Variants in PLXNA2 observed in about 807,000 individuals in gnomAD.
PLXNA2 encodes plexin-A2.
A neutral mutation model predicts 193.5 loss-of-function variants in PLXNA2; 91 were observed. That is an observed-to-expected ratio of 0.47 (90% CI 0.40 to 0.56). The LOEUF (loss-of-function observed/expected upper bound fraction) is 0.56, where lower values mean the gene tolerates loss of function less well. Among genes scored for constraint, PLXNA2 ranks in the 20% least tolerant of loss-of-function variants. The probability of loss-of-function intolerance (pLI) is 0.00; values close to 1 mark genes in which losing one functional copy is unlikely to be tolerated. For synonymous variants in PLXNA2, 997 were observed against 1,027.3 expected, an observed-to-expected ratio of 0.97 and a Z score of 0.56; for missense variants, 1,995 against 2,503.2, an observed-to-expected ratio of 0.80 and a Z score of 4.33.
chr1:208,145,354 T>C (rs1479287526), intron 3 of PLXNA2, among the ~76,000 whole-genome samples: 1 of 152,192 alleles, frequency 6.6e-6, no homozygotes, highest in Non-Finnish European at 1.5e-5. Context: ...CAGGGCTGGG[T>C]CCCAGGAGCT....
intron 3 of PLXNA2, among the ~76,000 whole-genome samples, chr1:208,172,277 A>ACC (rs1216053726): frequency 6.6e-6 from 1 of 152,000 alleles, no homozygotes; most frequent in Non-Finnish European, 1.5e-5. Context: ...TGGAGGAAGT[A>ACC]CTGTGGAATT....
rs1427386749 is a variant in PLXNA2, at chr1:208,025,687, G to C, written c.*1556C>G. The C allele has an allele frequency of 6.6e-6, 1 of 152,218 alleles. No individual in the cohort carries two copies. The highest frequency in any genetic ancestry group is 1.5e-5 in the Non-Finnish European group (1 of 68,084). 9.4% of individuals were successfully genotyped at this position (152,218 alleles called of 1,614,324 possible). A position where few individuals can be genotyped will look rare whatever the true frequency, so the allele number is the denominator to read the frequency against. On this transcript the variant is annotated 3_prime_UTR_variant, in exon 32 of 32. Transcript: ENST00000367033. ...ACACTCACAGAGCGCCTTTCCTCTC[G>C]ATGACTCCCACTGGCTTCTATGGGG... is the stretch of plus-strand genomic sequence containing the variant.
At chr1:208,206,273 A>G (rs1448812090) in intron 3 of PLXNA2, among the ~76,000 whole-genome samples, 8 of 152,204 alleles carry the variant, frequency 5.3e-5, no homozygotes, top group Middle Eastern at 3.2e-3. Flanking sequence ...TCCAAGGTAA[A>G]GTGGAGTCAC....
intron 4 of PLXNA2, among the ~76,000 whole-genome samples, chr1:208,117,736 ACTC>A (rs10558636): frequency 0.056 from 8,443 of 152,052 alleles, 273 homozygotes; most frequent in Non-Finnish European, 0.073. Context: ...GTGAGAAAGA[ACTC>A]CTCTGACCCC....
chr1:208,099,327 G>C (rs954702351), intron 5 of PLXNA2, among the ~76,000 whole-genome samples: 16 of 152,358 alleles, frequency 1.1e-4, no homozygotes, highest in African/African-American at 3.8e-4. Flanking sequence ...TCACTCCACA[G>C]TGCGGGAGCG....
intron 10 of PLXNA2, among the ~76,000 whole-genome samples, chr1:208,083,660 A>G (rs1395268289): frequency 6.6e-5 from 10 of 151,462 alleles, no homozygotes; most frequent in Admixed American, 2.6e-4. Context: ...CCCCTCCCTC[A>G]TCTCCAGCTG....
Position 208,216,715 on chromosome 1 carries a change from C to A in PLXNA2, c.1188+20G>T. ...CCTGTGTCATGGAGCAGGAGCAGAG[C>A]GAGGTGTGTGCCTCCTTACCGCCTT... On this transcript the variant is annotated intron_variant, in intron 2 of 31. Coordinates refer to ENST00000367033, the MANE Select transcript of PLXNA2 (RefSeq NM_025179.4). 6.3e-7 allele frequency: 1 copy of A among 1,598,656 alleles called. No homozygotes were observed. The highest frequency in any genetic ancestry group is 1.7e-5 in the Admixed American group (1 of 59,474).
At chr1:208,074,072 CCT>C (rs1274081234) in intron 12 of PLXNA2, among the ~76,000 whole-genome samples, 10 of 152,318 alleles carry the variant, frequency 6.6e-5, no homozygotes, top group African/African-American at 2.2e-4. Flanking sequence ...GTGAAGAAGA[CCT>C]CTGTTATGTG....
At chr1:208,034,623 A>G (rs377232755) in intron 26 of PLXNA2, 31 bp from the exon 27 acceptor site, 8 of 1,321,228 alleles carry the variant, frequency 6.1e-6, no homozygotes, top group Non-Finnish European at 8.8e-6. Flanking sequence ...ACAGTACAAA[A>G]GGTGAATGTA....
rs138853454 is a variant in PLXNA2 at position 208,149,749 on chromosome 1, T to C, written c.1372-7286A>G. Among the ~76,000 whole-genome samples the C allele has an allele frequency of 3.3e-3, 503 of 152,282 alleles. 3 individuals are homozygous for C. The highest frequency in any genetic ancestry group is 0.011 in the African/African-American group (466 of 41,522). ...TGAAGATTATTTTTGTAGAGCTTCA[T>C]GACCCGAATTATTTATAGATTTAAG... On this transcript the variant is annotated intron_variant, in intron 3 of 31. Coordinates refer to ENST00000367033, the MANE Select transcript of PLXNA2 (RefSeq NM_025179.4).
chr1:208,211,405 A>C (rs1670937437), intron 2 of PLXNA2, among the ~76,000 whole-genome samples: 2 of 152,290 alleles, frequency 1.3e-5, no homozygotes, highest in African/African-American at 4.8e-5. Flanking sequence ...AGTGAAAAAA[A>C]AATTGTGGCC....
At chr1:208,113,546 C>CTCT (rs776758459) in intron 4 of PLXNA2, among the ~76,000 whole-genome samples, 21 of 105,700 alleles carry the variant, frequency 2.0e-4, no homozygotes, top group African/African-American at 6.6e-4. Flanking sequence ...CTCTCTCTCT[C>CTCT]TTTTTTTTTT....
At chr1:208,154,722 A>G (rs1339729064) in intron 3 of PLXNA2, among the ~76,000 whole-genome samples, 2 of 152,178 alleles carry the variant, frequency 1.3e-5, no homozygotes, top group Admixed American at 6.5e-5. Flanking sequence ...CTGCATTTCC[A>G]TCTTCCCTTC....
At position 208,042,223 on chromosome 1, in the gene PLXNA2, A is replaced by G; in HGVS notation, c.4161T>C (p.Ala1387=). 1.9e-6 allele frequency: 3 copies of G among 1,614,232 alleles called. No individual in the cohort carries two copies. The highest frequency in any genetic ancestry group is 1.6e-4 in the Middle Eastern group (1 of 6,062). Residue 1387 remains alanine, a synonymous_variant, in exon 22 of 32, where the codon GCT becomes GCC. Coordinates refer to ENST00000367033, the MANE Select transcript of PLXNA2 (RefSeq NM_025179.4). The part of the protein sequence containing the change: ...SFSMRDRGNV[A]SLIMTGLQGR... ...CCTGCAGGCCGGTCATGATGAGCGA[A>G]GCCACGTTGCCCCGGTCGCGCATGG...
intron 12 of PLXNA2, among the ~76,000 whole-genome samples, chr1:208,065,224 T>A (rs994068358): frequency 2.6e-5 from 4 of 152,198 alleles, no homozygotes; most frequent in Non-Finnish European, 4.4e-5. Flanking sequence ...GGCAGATCCA[T>A]GTCTTGGTCA....
intron 4 of PLXNA2, among the ~76,000 whole-genome samples, chr1:208,126,031 C>T (rs1015081163): frequency 2.6e-5 from 4 of 152,238 alleles, no homozygotes. Context: ...AAAACACCTG[C>T]ATGCTCTTTA....
At position 208,216,982 on chromosome 1, in the gene PLXNA2, T is replaced by C. The variant is rs750955202; in HGVS notation, c.941A>G (p.Tyr314Cys). The C allele has an allele frequency of 3.1e-6, 5 of 1,612,806 alleles. No individual in the cohort carries two copies. Among genetic ancestry groups the C allele is most frequent in the Middle Eastern group, 1.6e-4 (1 of 6,062 alleles). The change falls in exon 2 of 32, where the codon TAC (tyrosine) becomes TGC (cysteine). Residue 314 changes from tyrosine (Y) to cysteine (C), a missense_variant. Around this residue, in one of 3 missense-constraint regions of PLXNA2, gnomAD observed 702 missense variants for 812.9 expected, o/e 0.86. Coordinates refer to ENST00000367033, the MANE Select transcript of PLXNA2 (RefSeq NM_025179.4). The stretch of plus-strand genomic sequence containing the variant: ...CAGTGAGTCCCCAGGCTTGGCCAGG[T>C]AAGCAGCCTGCAGGAGGCGGTATTC... The part of the protein sequence containing the change: ...GVEYRLLQAA[Y>C]LAKPGDSLAQ...
chr1:208,136,931 T>C (rs1397076304), intron 4 of PLXNA2, among the ~76,000 whole-genome samples: 1 of 152,232 alleles, frequency 6.6e-6, no homozygotes, highest in Non-Finnish European at 1.5e-5. Flanking sequence ...GGGTGATTTA[T>C]ATGCATTCTC....
chr1:208,125,548 T>C (rs1233411498), intron 4 of PLXNA2, among the ~76,000 whole-genome samples: 6 of 152,236 alleles, frequency 3.9e-5, no homozygotes, highest in Non-Finnish European at 7.3e-5. Context: ...AATCTGGGCA[T>C]GCTCCAATTT....
Sources: gnomAD v4.1 joint callset for allele counts (sites outside exome capture counted in the v4.1 genomes callset) on GRCh38, gnomAD v4.1.1 for gene constraint, gnomAD v4.1.1 regional missense constraint, MANE v1.5 for transcripts, NCBI Gene and HGNC (gene_info 2026-07-23, HGNC 2026-07-21) for gene names.